The following LRRC31 variants were observed in gnomAD, a reference collection of about 807,000 sequenced individuals.
LRRC31 encodes the protein leucine-rich repeat-containing protein 31.
Under a neutral mutation model 46.7 loss-of-function variants are expected in LRRC31, and 35 were observed. The ratio of observed to expected loss-of-function variants is 0.75; its 90% confidence interval spans 0.57 to 0.99. The LOEUF is 0.99. Among genes scored for constraint, LRRC31 ranks in the 50% least tolerant of loss-of-function variants. The pLI, the probability that LRRC31 is intolerant of heterozygous loss-of-function variation, is 0.00. For synonymous variants in LRRC31, 236 were observed against 235.1 expected (o/e 1.00, Z -0.03); for missense variants, 613 against 626.1 (o/e 0.98, Z 0.22).
intron 3 of LRRC31, among the ~76,000 whole-genome samples, chr3:169,858,358 G>A (rs1427587254): frequency 6.6e-6 from 1 of 152,178 alleles, no homozygotes; most frequent in Non-Finnish European, 1.5e-5. Flanking sequence ...TCTAAGGATG[G>A]AGGGTCAGGA....
In LRRC31 at chr3:169,839,733, G is replaced by T. The variant is rs1780387670; in HGVS notation, c.*249C>A. 6.3e-6 allele frequency: 1 copy of T among 158,788 alleles called. No homozygotes were observed. The highest frequency in any genetic ancestry group is 1.3e-5 in the Non-Finnish European group (1 of 75,086). 9.8% of individuals were successfully genotyped at this position (158,788 alleles called of 1,614,324 possible). A position where few individuals can be genotyped will look rare whatever the true frequency, so the allele number is the denominator to read the frequency against. The stretch of plus-strand genomic sequence containing the variant: ...TTTTGTTTCATAGACAGAGAATAAT[G>T]GCATGCTCATATTAGATATTATATA... On this transcript the variant is annotated 3_prime_UTR_variant, in exon 9 of 9. Transcript: ENST00000316428.
At chr3:169,848,091 A>G in intron 8 of LRRC31, 29 bp downstream of exon 8, 1 of 1,598,254 alleles carries the variant, frequency 6.3e-7, no homozygotes. Flanking sequence ...CTGTTTGCCA[A>G]GACCGCTTGG....
rs541188945 is a variant in LRRC31 at position 169,839,557 on chromosome 3, G to C, written c.*425C>G. On this transcript the variant is annotated 3_prime_UTR_variant, in exon 9 of 9. Transcript: ENST00000316428. ...ACACACACATACCCCTTTATATTTAGAACATTTAACTTGTAGGAAAAGAAG... is the reference window on the plus strand; with the variant it reads ...ACACACACATACCCCTTTATATTTACAACATTTAACTTGTAGGAAAAGAAG... The C allele has an allele frequency of 7.2e-5, 11 of 151,840 alleles. No homozygotes were observed. Among genetic ancestry groups the C allele is most frequent in the South Asian group, 2.1e-4 (1 of 4,810 alleles). 9.4% of individuals were successfully genotyped at this position (151,840 alleles called of 1,614,324 possible). A position where few individuals can be genotyped will look rare whatever the true frequency, so the allele number is the denominator to read the frequency against.
rs145959909 is a variant in LRRC31, at chr3:169,853,274, G to A, written c.992-1488C>T. ...TTCTTTGGAGCAATTTACAATGATCGGATAAAAGAATGTTCAATTATTTAA... is the reference window on the plus strand; with the variant it reads ...TTCTTTGGAGCAATTTACAATGATCAGATAAAAGAATGTTCAATTATTTAA... On this transcript the variant is annotated intron_variant, in intron 6 of 8. Transcript: ENST00000316428. 1.1e-3 allele frequency: 1,051 copies of A among 984,904 alleles called. 1 individual carries two copies. Among genetic ancestry groups the A allele is most frequent in the Non-Finnish European group, 1.2e-3 (1,006 of 829,478 alleles). 61.0% of individuals were successfully genotyped at this position (984,904 alleles called of 1,614,324 possible). A position where few individuals can be genotyped will look rare whatever the true frequency, so the allele number is the denominator to read the frequency against.
intron 2 of LRRC31, 148 bp downstream of exon 2, chr3:169,861,518 CAAAA>C (rs371250528): frequency 4.2e-4 from 254 of 608,280 alleles, no homozygotes; most frequent in South Asian, 8.3e-4. Flanking sequence ...GACTCCGTCT[CAAAA>C]AAAAAAAAAA....
At chr3:169,860,390 GCTAA>G (rs1449115468) in intron 3 of LRRC31, among the ~76,000 whole-genome samples, 167 bp downstream of exon 3, 1 of 151,736 alleles carries the variant, frequency 6.6e-6, no homozygotes, top group African/African-American at 2.4e-5. Context: ...ACCACACCCG[GCTAA>G]CTTTTTGTAT....
intron 6 of LRRC31, chr3:169,853,643 G>A (rs1220712532): frequency 4.1e-6 from 4 of 985,580 alleles, no homozygotes; most frequent in South Asian, 4.7e-5. Flanking sequence ...AATGCTCCAC[G>A]CAAAGCTCAA....
At chr3:169,857,378 A>C (rs1245180663) in intron 3 of LRRC31, among the ~76,000 whole-genome samples, 1 of 139,888 alleles carries the variant, frequency 7.1e-6, no homozygotes, top group Non-Finnish European at 1.5e-5. Context: ...ACAAGTATAT[A>C]TATACACATA....
In LRRC31 at chr3:169,862,401, G is replaced by A. The variant is rs374172876; in HGVS notation, c.176-588C>T. Among the ~76,000 whole-genome samples, 26 of 152,262 alleles carry A rather than the reference G, an allele frequency of 1.7e-4. No homozygotes were observed. The East Asian group carries it at 3.1e-3, about 18-fold the overall frequency. On this transcript the variant is annotated intron_variant, in intron 1 of 8. Transcript: ENST00000316428. ...CCAGAAAGTGAATTTGGAAAGCCTC[G>A]TCTGTCCTCCTTGTTATTAGGGACT...
rs911613294 is a variant in LRRC31 at position 169,861,856 on chromosome 3, T to G, written c.176-43A>C. ...AAAAGAATTTGCTGTTAATGATGGA[T>G]GTATTAAAGATGCATAATGACCACA... On this transcript the variant is annotated intron_variant, in intron 1 of 8. Transcript: ENST00000316428. 3 of 1,590,348 alleles carry G rather than the reference T, an allele frequency of 1.9e-6. No homozygotes were observed. In the Admixed American group the frequency reaches 5.1e-5, roughly 27 times the overall value.
intron 6 of LRRC31, 78 bp downstream of exon 6, chr3:169,854,735 A>T: frequency 9.4e-7 from 1 of 1,062,138 alleles, no homozygotes. Flanking sequence ...ATTTAAGTGT[A>T]CATATTAAAA....
At chr3:169,851,523 G>A (rs908381765) in intron 7 of LRRC31, 96 bp downstream of exon 7, 7 of 1,258,014 alleles carry the variant, frequency 5.6e-6, no homozygotes, top group Admixed American at 4.9e-5. Flanking sequence ...TTAGTACTTC[G>A]CAAACTGGCT....
At position 169,867,047 on chromosome 3, in the gene LRRC31, G is replaced by GT. The variant is rs1560636105; in HGVS notation, c.175+2585dup. 1.2e-3 allele frequency among the ~76,000 whole-genome samples: 109 copies of GT among 92,678 alleles called. 3 individuals carry two copies. The highest frequency in any genetic ancestry group is 0.01 in the African/African-American group (106 of 10,498). 60.8% of individuals were successfully genotyped at this position (92,678 alleles called of 152,430 possible). The stretch of plus-strand genomic sequence containing the variant: ...AGAAAATTGGCCATGGGTTTTTTTT[G>GT]TTTGTTTGTTTGTTTTTTTTTTTTT... On this transcript the variant is annotated intron_variant, in intron 1 of 8. Transcript: ENST00000316428.
chr3:169,858,273 A>G (rs1781033556), intron 3 of LRRC31, among the ~76,000 whole-genome samples: 1 of 152,180 alleles, frequency 6.6e-6, no homozygotes, highest in Admixed American at 6.5e-5. Flanking sequence ...CATCAGAACA[A>G]CAACAGTGCA....
intron 8 of LRRC31, among the ~76,000 whole-genome samples, chr3:169,847,395 G>C (rs1273767127): frequency 6.6e-6 from 1 of 152,292 alleles, no homozygotes; most frequent in East Asian, 1.9e-4. Context: ...ATGTTGGTCA[G>C]GCTGGTCTTG....
At chr3:169,859,313 G>C (rs1011606296) in intron 3 of LRRC31, among the ~76,000 whole-genome samples, 1 of 150,756 alleles carries the variant, frequency 6.6e-6, no homozygotes, top group Non-Finnish European at 1.5e-5. Context: ...AAAAGGCCGG[G>C]GGGGCGGGTA....
intron 8 of LRRC31, among the ~76,000 whole-genome samples, chr3:169,846,003 C>T (rs1369620466): frequency 6.6e-6 from 1 of 152,128 alleles, no homozygotes; most frequent in African/African-American, 2.4e-5. Context: ...ACTCTCCAAA[C>T]TCATCAATAA....
At chr3:169,842,497 C>G (rs1301488671) in intron 8 of LRRC31, among the ~76,000 whole-genome samples, 1 of 152,034 alleles carries the variant, frequency 6.6e-6, no homozygotes, top group Non-Finnish European at 1.5e-5. Flanking sequence ...ATTACAGGCA[C>G]CTGCCACCAT....
intron 3 of LRRC31, among the ~76,000 whole-genome samples, chr3:169,858,397 G>GAA: frequency 6.6e-6 from 1 of 152,184 alleles, no homozygotes; most frequent in South Asian, 2.1e-4. Context: ...CAGAAAATAA[G>GAA]AAAGTTGTCT....
Sources: gnomAD v4.1 joint callset for allele counts (sites outside exome capture counted in the v4.1 genomes callset) on GRCh38, gnomAD v4.1.1 for gene constraint, MANE v1.5 for transcripts, NCBI Gene and HGNC (gene_info 2026-07-23, HGNC 2026-07-21) for gene names.